The following DDX4 variants were observed in gnomAD, a reference collection of about 807,000 sequenced individuals.
The protein encoded by DDX4 is probable ATP-dependent RNA helicase DDX4.
Under a neutral mutation model 100.0 loss-of-function variants are expected in DDX4, and 25 were observed. That is an observed-to-expected ratio of 0.25 (90% confidence interval 0.18 to 0.35). DDX4 has a LOEUF of 0.35. Among genes scored for constraint, DDX4 ranks in the 10% least tolerant of loss-of-function variants. The pLI is 1.00. For missense variants in DDX4, 635 were observed against 882.4 expected (o/e 0.72, Z 3.55); for synonymous variants, 259 against 275.7 (o/e 0.94, Z 0.60).
intron 18 of DDX4, among the ~76,000 whole-genome samples, chr5:55,812,695 C>T (rs1212014199): frequency 6.6e-6 from 1 of 152,136 alleles, no homozygotes; most frequent in Non-Finnish European, 1.5e-5. Context: ...TATATCTTTA[C>T]TAAGATACCA....
chr5:55,749,597 C>G (rs1342068516), intron 3 of DDX4, among the ~76,000 whole-genome samples: 1 of 152,176 alleles, frequency 6.6e-6, no homozygotes, highest in Admixed American at 6.6e-5. Context: ...ATCCTCTAGT[C>G]TCTGAGATTT....
intron 2 of DDX4, among the ~76,000 whole-genome samples, chr5:55,745,683 A>T (rs986040716): frequency 7.9e-5 from 12 of 152,104 alleles, no homozygotes; most frequent in African/African-American, 2.9e-4. Flanking sequence ...TCAGCCTCCC[A>T]CAGTGCTGGG....
chr5:55,763,186 T>C lies in DDX4; in HGVS notation c.217T>C (p.Cys73Arg). The C allele has an allele frequency of 1.2e-6, 2 of 1,610,656 alleles. No individual in the cohort carries two copies. The highest frequency in any genetic ancestry group is 2.2e-5 in the East Asian group (1 of 44,750). ...RNFGNRDAGE[C>R]NKRDNTSTMG... is the part of the protein sequence containing the mutation. ...CCACCCTTTTTCAGATGCTGGTGAG[T>C]GTAATAAGCGAGATAATACATCCAC... The change falls in exon 5 of 22, where the codon TGT (cysteine) becomes CGT (arginine). Residue 73 changes from cysteine to arginine, a missense_variant. Coordinates refer to ENST00000505374, the MANE Select transcript of DDX4 (RefSeq NM_024415.3).
intron 10 of DDX4, among the ~76,000 whole-genome samples, chr5:55,784,886 C>T (rs1321675924): frequency 6.6e-6 from 1 of 152,144 alleles, no homozygotes; most frequent in African/African-American, 2.4e-5. Flanking sequence ...GCCTATGTGC[C>T]TTTTCTTCTG....
chr5:55,807,682 C>T (rs35661099), intron 18 of DDX4, among the ~76,000 whole-genome samples: 16,549 of 152,140 alleles, frequency 0.11, 1,374 homozygotes, highest in East Asian at 0.29. Flanking sequence ...GAGTTTCTGC[C>T]GAGAGATCAG....
chr5:55,750,813 G>GT (rs1269407070), intron 3 of DDX4, among the ~76,000 whole-genome samples: 1 of 151,996 alleles, frequency 6.6e-6, no homozygotes, highest in African/African-American at 2.4e-5. Context: ...CCTCATCACT[G>GT]TTTAAGATAT....
chr5:55,767,148 A>G (rs1740974579), intron 6 of DDX4, among the ~76,000 whole-genome samples: 10 of 152,228 alleles, frequency 6.6e-5, no homozygotes, highest in Admixed American at 6.5e-4. Flanking sequence ...TTTATTAAGA[A>G]TGGTAAATTG....
In DDX4 at chr5:55,786,543, A is replaced by G; in HGVS notation, c.890A>G (p.Gln297Arg). The G allele has an allele frequency of 6.2e-7, 1 of 1,613,112 alleles. No homozygotes were observed. Among genetic ancestry groups the G allele is most frequent in the East Asian group, 2.2e-5 (1 of 44,864 alleles). The change falls in exon 14 of 22, where the codon CAG becomes CGG. Residue 297 changes from glutamine (Q) to arginine (R), a missense_variant. Physicochemically the swap from Gln to Arg is conservative, Grantham distance 43 (BLOSUM62 1). Around this residue, in one of 4 missense-constraint regions of DDX4, gnomAD observed 446 missense variants for 540.8 expected, o/e 0.82. Transcript: ENST00000505374. ...ACTTTTGAAGAAGCTAATCTCTGTC[A>G]GACACTGAATAACAACATTGCTAAA... ...ILTFEEANLC[Q>R]TLNNNIAKAG...
At chr5:55,780,341 T>C (rs551659950) in intron 8 of DDX4, among the ~76,000 whole-genome samples, 126 of 152,292 alleles carry the variant, frequency 8.3e-4, no homozygotes, top group Non-Finnish European at 1.6e-3. Flanking sequence ...GCTTTGATAA[T>C]ATGGCTGACC....
intron 17 of DDX4, among the ~76,000 whole-genome samples, chr5:55,796,191 A>T (rs1011605212): frequency 9.9e-5 from 15 of 152,180 alleles, no homozygotes; most frequent in Non-Finnish European, 4.4e-5. Context: ...GTCCACCCAC[A>T]TTGAGGGTGG....
intron 6 of DDX4, among the ~76,000 whole-genome samples, chr5:55,765,409 AAAAAAT>A (rs1416765488): frequency 9.5e-6 from 1 of 104,832 alleles, no homozygotes; most frequent in African/African-American, 4.3e-5. Flanking sequence ...AAAAAAAAAA[AAAAAAT>A]ATATATATAT....
rs1333411587 is a variant in DDX4 at position 55,814,365 on chromosome 5, A to T, written c.1716-536A>T. ...AGTCTGTCTCTACATATTAGCTGTT[A>T]CTTTACCTCATTTGCAAATGGGGAT... On this transcript the variant is annotated intron_variant, in intron 19 of 21. Transcript: ENST00000505374. 2.0e-5 allele frequency among the ~76,000 whole-genome samples: 3 copies of T among 152,366 alleles called. No homozygotes were observed. In the East Asian group the frequency reaches 5.8e-4, roughly 29 times the overall value.
At chr5:55,765,836 G>T (rs1356467445) in intron 6 of DDX4, among the ~76,000 whole-genome samples, 1 of 152,070 alleles carries the variant, frequency 6.6e-6, no homozygotes, top group Non-Finnish European at 1.5e-5. Flanking sequence ...ACGGAGTCTC[G>T]CACTGTCACC....
chr5:55,748,897 T>G (rs1472355690), intron 3 of DDX4, among the ~76,000 whole-genome samples: 1 of 152,218 alleles, frequency 6.6e-6, no homozygotes, highest in Non-Finnish European at 1.5e-5. Flanking sequence ...TTTTTATAAA[T>G]ACTTGTCTTG....
intron 2 of DDX4, among the ~76,000 whole-genome samples, chr5:55,741,185 C>T (rs956036464): frequency 6.6e-6 from 1 of 152,140 alleles, no homozygotes; most frequent in Non-Finnish European, 1.5e-5. Context: ...GCGTGTTGTG[C>T]ATATTTATTG....
intron 18 of DDX4, among the ~76,000 whole-genome samples, chr5:55,812,001 T>G (rs1744146118): frequency 6.6e-6 from 1 of 152,184 alleles, no homozygotes; most frequent in Admixed American, 6.5e-5. Context: ...TGTTTTGGTT[T>G]TTTTTAAACT....
At chr5:55,789,714 A>G (rs1742441135) in intron 15 of DDX4, among the ~76,000 whole-genome samples, 1 of 152,220 alleles carries the variant, frequency 6.6e-6, no homozygotes, top group African/African-American at 2.4e-5. Context: ...CAAGGCAGCG[A>G]CAACAGAGCA....
At chr5:55,750,088 G>A (rs1324603174) in intron 3 of DDX4, 5 of 152,712 alleles carry the variant, frequency 3.3e-5, no homozygotes, top group Admixed American at 2.6e-4. Flanking sequence ...TAATGCAGTC[G>A]ATTTGCTGTT....
Position 55,792,807 on chromosome 5 carries a change from G to T in DDX4, c.1469G>T (p.Arg490Met). ...FSATFPEEIQ[R>M]LAAEFLKSNY... ...GCAACTTTTCCAGAGGAAATTCAAA[G>T]GTTAAGTTTTTTTCTTAAAAATAAT... Residue 490 changes from arginine (R) to methionine (M), a missense_variant and splice_region_variant, in exon 17 of 22, where the codon AGG (arginine) becomes ATG (methionine). Around this residue, in one of 4 missense-constraint regions of DDX4, gnomAD observed 115 missense variants for 224.7 expected, o/e 0.51. Coordinates refer to ENST00000505374, the MANE Select transcript of DDX4 (RefSeq NM_024415.3). The T allele has an allele frequency of 7.2e-7, 1 of 1,392,092 alleles. No homozygotes were observed. The highest frequency in any genetic ancestry group is 9.4e-7 in the Non-Finnish European group (1 of 1,068,102). 86.2% of individuals were successfully genotyped at this position (1,392,092 alleles called of 1,614,324 possible).
Sources: allele counts gnomAD v4.1 joint callset (sites outside exome capture counted in the v4.1 genomes callset), GRCh38; gene constraint gnomAD v4.1.1; regional missense constraint gnomAD v4.1.1; transcripts MANE v1.5; gene names NCBI Gene and HGNC (gene_info 2026-07-23, HGNC 2026-07-21).